PECAM1: variants seen among roughly 807,000 people sequenced by gnomAD.
PECAM1 encodes the protein platelet and endothelial cell adhesion molecule 1.
PECAM1 carries 8 observed loss-of-function variants against 13.8 expected under a neutral mutation model. That is an observed-to-expected ratio of 0.58 (90% confidence interval 0.34 to 1.05). PECAM1 has a LOEUF of 1.05. Among genes scored for constraint, PECAM1 ranks in the 50% least tolerant of loss-of-function variants. The probability of loss-of-function intolerance (pLI) is 0.03; values close to 1 mark genes in which losing one functional copy is unlikely to be tolerated. For synonymous variants in PECAM1, 136 were observed against 52.6 expected (o/e 2.58, Z -6.86); for missense variants, 304 against 141.2 (o/e 2.15, Z -5.84).
chr17:64,350,899 G>A (rs1424443295), intron 11 of PECAM1, among the ~76,000 whole-genome samples: 23 of 151,628 alleles, frequency 1.5e-4, no homozygotes, highest in African/African-American at 5.3e-4. Flanking sequence ...TTTTTGAGAT[G>A]GAGTTTCGCT....
rs1357520755 is a variant in PECAM1 at position 64,375,300 on chromosome 17, C to A, written c.442G>T (p.Val148Leu). The A allele has an allele frequency of 2.9e-5, 14 of 475,066 alleles. No individual in the cohort carries two copies. Among genetic ancestry groups the A allele is most frequent in the Admixed American group, 6.3e-5 (2 of 31,704 alleles). 29.4% of individuals were successfully genotyped at this position (475,066 alleles called of 1,614,324 possible). ...DKKEAIQGGI[V>L]RVNCSVPEEK... ...TCTGGGACAGAACAGTTGACCCTCA[C>A]GATCCCACCTTGGATGGCCTCTTTC... Residue 148 changes from valine to leucine, a missense_variant, in exon 4 of 16, where the codon GTG becomes TTG. By Grantham distance (32) the Val-to-Leu change is conservative. Transcript: ENST00000563924.
intron 14 of PECAM1, among the ~76,000 whole-genome samples, chr17:64,334,027 G>A (rs1473761025): frequency 1.3e-5 from 2 of 150,098 alleles, no homozygotes; most frequent in Non-Finnish European, 3.0e-5. Flanking sequence ...AGAGTCAATA[G>A]GGAAACTGAG....
chr17:64,360,454 G>A (rs1430992223), intron 6 of PECAM1, 39 bp from the exon 7 acceptor site: 8 of 471,980 alleles, frequency 1.7e-5, no homozygotes, highest in African/African-American at 1.4e-4. Context: ...GGCACTGAAG[G>A]TAAAAGCAAA....
At position 64,377,866 on chromosome 17, in the gene PECAM1, T is replaced by G; in HGVS notation, c.343A>C (p.Asn115His). ...GTYKCTVIVN[N>H]KEKTTAEYQV... ...TACTCTGCAGTGGTTTTCTCTTTGT[T>G]GTTCACAATCACAGTACATTTATAT... The change falls in exon 3 of 16, where the codon AAC becomes CAC. Residue 115 changes from asparagine to histidine, a missense_variant. Coordinates refer to ENST00000563924, the MANE Select transcript of PECAM1 (RefSeq NM_000442.5). The G allele has an allele frequency of 2.1e-6, 1 of 475,368 alleles. No homozygotes were observed. Among genetic ancestry groups the G allele is most frequent in the Non-Finnish European group, 3.9e-6 (1 of 259,070 alleles). 29.4% of individuals were successfully genotyped at this position (475,368 alleles called of 1,614,324 possible). A position where few individuals can be genotyped will look rare whatever the true frequency, so the allele number is the denominator to read the frequency against.
Position 64,348,023 on chromosome 17 carries a change from G to C in PECAM1, c.2107+237C>G, listed in dbSNP as rs947629794. 1.4e-4 allele frequency among the ~76,000 whole-genome samples: 22 copies of C among 152,212 alleles called. No homozygotes were observed. In the South Asian group the frequency reaches 1.9e-3, roughly 13 times the overall value. On this transcript the variant is annotated intron_variant, in intron 13 of 15. Transcript: ENST00000563924. ...TAGGATTACAGGTGTGAGCCACAGT[G>C]CCTGGCCTTTTCTTTTTTTCTTTTA...
intron 4 of PECAM1, 26 bp downstream of exon 4, chr17:64,375,025 G>C (rs2036326069): frequency 8.5e-6 from 4 of 473,316 alleles, no homozygotes; most frequent in Middle Eastern, 6.0e-4. Flanking sequence ...CACAAAGAAC[G>C]ATGAGGAAGG....
chr17:64,383,711 C>T (rs1475706873), intron 2 of PECAM1, among the ~76,000 whole-genome samples: 6 of 152,156 alleles, frequency 3.9e-5, no homozygotes, highest in South Asian at 2.1e-4. Context: ...TTTTAAAAAA[C>T]AATTTTAAAG....
intron 13 of PECAM1, among the ~76,000 whole-genome samples, chr17:64,345,958 CA>C (rs2035556322): frequency 6.6e-6 from 1 of 152,130 alleles, no homozygotes. Flanking sequence ...AGCCCAGGCT[CA>C]AAAAGAGAAG....
intron 14 of PECAM1, among the ~76,000 whole-genome samples, 180 bp from the exon 15 acceptor site, chr17:64,329,902 G>C (rs1321029987): frequency 6.6e-6 from 1 of 152,114 alleles, no homozygotes; most frequent in South Asian, 2.1e-4. Context: ...GCTTCCCCGG[G>C]ACCCTCTAGC....
intron 15 of PECAM1, among the ~76,000 whole-genome samples, chr17:64,324,787 AAT>A (rs1411622520): frequency 1.2e-4 from 19 of 152,248 alleles, no homozygotes; most frequent in African/African-American, 3.9e-4. Context: ...TGAAAGGACA[AAT>A]ATATGATTCC....
intron 15 of PECAM1, among the ~76,000 whole-genome samples, chr17:64,325,267 A>G (rs62071607): frequency 0.058 from 8,768 of 152,232 alleles, 283 homozygotes; most frequent in Middle Eastern, 0.088. Context: ...GTGTGCCTGT[A>G]GTCCCAGCCA....
chr17:64,338,195 C>G (rs2035332649), intron 14 of PECAM1, among the ~76,000 whole-genome samples: 1 of 151,346 alleles, frequency 6.6e-6, no homozygotes. Flanking sequence ...ACCACTATGC[C>G]CAGCTAATTT....
chr17:64,371,236 C>T (rs1013450305), intron 4 of PECAM1, among the ~76,000 whole-genome samples: 23 of 151,828 alleles, frequency 1.5e-4, no homozygotes, highest in African/African-American at 4.8e-4. Context: ...AAAACTGAGG[C>T]GCCATAAAGA....
chr17:64,385,731 C>G (rs1275257228), intron 2 of PECAM1, among the ~76,000 whole-genome samples: 2 of 152,116 alleles, frequency 1.3e-5, no homozygotes, highest in Non-Finnish European at 2.9e-5. Context: ...CAGGAGAGGT[C>G]AAGGAGTCTG....
chr17:64,324,397 C>T (rs943721894), intron 15 of PECAM1, among the ~76,000 whole-genome samples: 10 of 152,308 alleles, frequency 6.6e-5, no homozygotes, highest in South Asian at 2.1e-4. Context: ...CTCCTTCTCT[C>T]CATGCCTGCT....
chr17:64,352,270 G>A (rs1438985668), intron 11 of PECAM1, 120 bp downstream of exon 11: 2 of 411,060 alleles, frequency 4.9e-6, no homozygotes, highest in Non-Finnish European at 8.9e-6. Context: ...GTACCCTGTT[G>A]AAGCCAGGGT....
At chr17:64,360,927 GC>G (rs1465539771) in intron 6 of PECAM1, among the ~76,000 whole-genome samples, 1 of 150,280 alleles carries the variant, frequency 6.7e-6, no homozygotes, top group Non-Finnish European at 1.5e-5. Context: ...CCAGAATCAA[GC>G]AATCCTCCTA....
chr17:64,337,689 G>A lies in PECAM1; in HGVS notation c.2164+3945C>T, dbSNP rs983885871. Reference sequence around the variant, plus strand: ...ACGATGCCTATAGTTTCTGCCTGAGGGGTCAGGTTCCAACAGCCCGGACTG... The same window carrying A: ...ACGATGCCTATAGTTTCTGCCTGAGAGGTCAGGTTCCAACAGCCCGGACTG... On this transcript the variant is annotated intron_variant, in intron 14 of 15. Transcript: ENST00000563924. Among the ~76,000 whole-genome samples the A allele has an allele frequency of 5.3e-4, 80 of 152,152 alleles. 1 individual carries two copies. In the East Asian group the frequency reaches 0.014, roughly 26 times the overall value.
chr17:64,323,637 C>T lies in PECAM1; in HGVS notation c.*179G>A, dbSNP rs2034861566. 4 of 1,462,852 alleles carry T rather than the reference C, an allele frequency of 2.7e-6. No homozygotes were observed. Among genetic ancestry groups the T allele is most frequent in the Non-Finnish European group, 3.6e-6 (4 of 1,110,114 alleles). 90.6% of individuals were successfully genotyped at this position (1,462,852 alleles called of 1,614,324 possible). ...AACAGCCCCTCTGTATCTCTTTCTACCCAACATTAACTTAGCAGGATGGAT... is the reference window on the plus strand; with the variant it reads ...AACAGCCCCTCTGTATCTCTTTCTATCCAACATTAACTTAGCAGGATGGAT... On this transcript the variant is annotated 3_prime_UTR_variant, in exon 16 of 16. Coordinates refer to ENST00000563924, the MANE Select transcript of PECAM1 (RefSeq NM_000442.5).
Sources: allele counts gnomAD v4.1 joint callset (sites outside exome capture counted in the v4.1 genomes callset), GRCh38; gene constraint gnomAD v4.1.1; transcripts MANE v1.5; gene names NCBI Gene and HGNC (gene_info 2026-07-23, HGNC 2026-07-21).